The following SGCD variants were observed in gnomAD, a reference collection of about 807,000 sequenced individuals.
SGCD encodes sarcoglycan delta.
A neutral mutation model predicts 36.6 loss-of-function variants in SGCD; 18 were observed. The ratio of observed to expected loss-of-function variants is 0.49; its 90% CI spans 0.34 to 0.73. SGCD has a LOEUF of 0.73. Ranked by LOEUF, SGCD falls within the 30% of genes least tolerant of loss-of-function variation. The pLI is 0.01. For missense variants in SGCD, 387 were observed against 346.7 expected (o/e 1.12, Z -0.92); for synonymous variants, 133 against 130.6 (o/e 1.02, Z -0.12).
At chr5:156,605,088 T>A (rs1210593034) in intron 6 of SGCD, among the ~76,000 whole-genome samples, 2 of 152,112 alleles carry the variant, frequency 1.3e-5, no homozygotes, top group Non-Finnish European at 2.9e-5. Context: ...TTAGGGTACA[T>A]GTGCACAACG....
intron 3 of SGCD, among the ~76,000 whole-genome samples, chr5:156,504,306 G>T: frequency 6.6e-6 from 1 of 150,634 alleles, no homozygotes; most frequent in Non-Finnish European, 1.5e-5. Flanking sequence ...TAACATTTGA[G>T]TATAATTCCC....
In SGCD at chr5:156,533,222, G is replaced by A. The variant is rs548574293; in HGVS notation, c.294+24520G>A. On this transcript the variant is annotated intron_variant, in intron 4 of 8. Transcript: ENST00000337851. ...CTTCTGTACTGTAGTTTCTCTTCAC[G>A]TAGTCACAGTTTCCTATGGAGTCCA... is the stretch of plus-strand genomic sequence containing the variant. Among the ~76,000 whole-genome samples, 23 of 152,124 alleles carry A rather than the reference G, an allele frequency of 1.5e-4. 1 individual carries two copies. In the South Asian group the frequency reaches 3.3e-3, roughly 22 times the overall value.
intron 3 of SGCD, among the ~76,000 whole-genome samples, chr5:156,478,976 C>T (rs80101119): frequency 0.027 from 4,172 of 152,220 alleles, 89 homozygotes; most frequent in Non-Finnish European, 0.037. Flanking sequence ...AGAGCCAAAT[C>T]GGCCCACTCT....
chr5:156,117,443 T>C (rs1406880812), intron 1 of SGCD, among the ~76,000 whole-genome samples: 1 of 152,122 alleles, frequency 6.6e-6, no homozygotes, highest in Non-Finnish European at 1.5e-5. Context: ...AGATGAAATA[T>C]CTTATATTTG....
chr5:156,402,795 C>G (rs56709418), intron 3 of SGCD, among the ~76,000 whole-genome samples: 1 of 152,000 alleles, frequency 6.6e-6, no homozygotes, highest in African/African-American at 2.4e-5. Context: ...TCTACTTGGA[C>G]GAGCTTGACT....
chr5:155,734,232 G>T, the SGCD span, among the ~76,000 whole-genome samples: 2 of 150,504 alleles, frequency 1.3e-5, no homozygotes, highest in Non-Finnish European at 3.0e-5. Context: ...ATGAGACAGG[G>T]TCTGGCTCTG....
At chr5:155,955,088 T>C (rs1326863448) in intron 1 of SGCD, among the ~76,000 whole-genome samples, 6 of 152,138 alleles carry the variant, frequency 3.9e-5, no homozygotes, top group Admixed American at 1.3e-4. Context: ...AGATCTTCAA[T>C]TGATTGGATG....
At chr5:156,578,308 G>T (rs917346133) in intron 4 of SGCD, among the ~76,000 whole-genome samples, 7 of 152,122 alleles carry the variant, frequency 4.6e-5, no homozygotes, top group African/African-American at 1.7e-4. Context: ...TGCTGGATTC[G>T]ATTTGCCAGT....
intron 3 of SGCD, among the ~76,000 whole-genome samples, chr5:156,451,788 C>G (rs1754030394): frequency 6.6e-6 from 1 of 152,140 alleles, no homozygotes; most frequent in Non-Finnish European, 1.5e-5. Flanking sequence ...TTCATTCTGT[C>G]TGCACTGAGA....
At chr5:156,427,661 T>C (rs1773734821) in intron 3 of SGCD, among the ~76,000 whole-genome samples, 1 of 152,140 alleles carries the variant, frequency 6.6e-6, no homozygotes, top group Non-Finnish European at 1.5e-5. Flanking sequence ...CAGTCTGATG[T>C]TGGCTGTGGG....
chr5:155,749,703 A>G, the SGCD span, among the ~76,000 whole-genome samples: 10 of 152,322 alleles, frequency 6.6e-5, no homozygotes, highest in Non-Finnish European at 1.0e-4. Flanking sequence ...AATCTCTTCA[A>G]TTTTATATCA....
At chr5:156,389,006 C>T (rs1388914094) in intron 3 of SGCD, among the ~76,000 whole-genome samples, 1 of 152,128 alleles carries the variant, frequency 6.6e-6, no homozygotes, top group Admixed American at 6.5e-5. Flanking sequence ...AGGTACAATA[C>T]AATTCTTATC....
intron 7 of SGCD, among the ~76,000 whole-genome samples, chr5:156,667,460 TAA>T (rs1242280268): frequency 2.0e-5 from 3 of 152,220 alleles, no homozygotes; most frequent in African/African-American, 7.2e-5. Flanking sequence ...TCCATGTACT[TAA>T]AGTTTTTAGC....
intron 1 of SGCD, among the ~76,000 whole-genome samples, chr5:155,886,827 A>C (rs1451321604): frequency 6.6e-6 from 1 of 152,136 alleles, no homozygotes; most frequent in Admixed American, 6.5e-5. Context: ...GGCAAAAATC[A>C]CTCAGCAGGA....
At chr5:155,896,198 T>A (rs1021861785) in intron 1 of SGCD, among the ~76,000 whole-genome samples, 88 of 152,316 alleles carry the variant, frequency 5.8e-4, no homozygotes, top group African/African-American at 2.0e-3. Flanking sequence ...GAGAATGTGC[T>A]GGAATGGACA....
At chr5:155,825,739 T>TG in the SGCD span, among the ~76,000 whole-genome samples, 478 of 144,774 alleles carry the variant, frequency 3.3e-3, 1 homozygote, top group Middle Eastern at 6.9e-3. Flanking sequence ...TTTTTTTTTT[T>TG]TTGTTGTTGT....
intron 3 of SGCD, among the ~76,000 whole-genome samples, chr5:156,385,586 G>T (rs6556570): frequency 1.4e-4 from 21 of 152,050 alleles, no homozygotes; most frequent in Non-Finnish European, 2.9e-4. Context: ...ACATGTTGAG[G>T]ATATTAGAGT....
chr5:155,997,783 A>G (rs1758582418), intron 1 of SGCD, among the ~76,000 whole-genome samples: 1 of 152,250 alleles, frequency 6.6e-6, no homozygotes, highest in South Asian at 2.1e-4. Context: ...ATTTCAAATT[A>G]TGGATATCAA....
intron 1 of SGCD, among the ~76,000 whole-genome samples, chr5:155,882,356 G>A (rs752232796): frequency 2.0e-5 from 3 of 152,120 alleles, no homozygotes; most frequent in Middle Eastern, 3.2e-3. Context: ...TGAGATTACA[G>A]ACATGAGCCA....
Sources: gnomAD v4.1 joint callset for allele counts (sites outside exome capture counted in the v4.1 genomes callset) on GRCh38, gnomAD v4.1.1 for gene constraint, MANE v1.5 for transcripts, NCBI Gene and HGNC (gene_info 2026-07-23, HGNC 2026-07-21) for gene names.